LTBP1: variants seen among roughly 807,000 people sequenced by gnomAD.
LTBP1 encodes the protein latent transforming growth factor beta binding protein 1.
A neutral mutation model predicts 207.6 loss-of-function variants in LTBP1; 129 were observed. The observed-to-expected ratio is 0.62, with a 90% CI of 0.54 to 0.72. LTBP1 has a LOEUF of 0.72. LTBP1 is among the 30% of genes least tolerant of loss of function. The pLI, the probability that LTBP1 is intolerant of heterozygous loss-of-function variation, is 0.00. For synonymous variants in LTBP1, 963 were observed against 833.7 expected, an observed-to-expected ratio of 1.16 and a Z score of -2.67; for missense variants, 2,281 against 2,217.2, an observed-to-expected ratio of 1.03 and a Z score of -0.58.
At chr2:33,345,266 C>T (rs182861727) in intron 25 of LTBP1, among the ~76,000 whole-genome samples, 75 of 152,326 alleles carry the variant, frequency 4.9e-4, no homozygotes, top group Admixed American at 1.2e-3. Flanking sequence ...TCACTCCTCA[C>T]ACTCACTGAA....
At chr2:33,186,743 A>T in intron 5 of LTBP1, 113 bp from the exon 6 acceptor site, 1 of 750,406 alleles carries the variant, frequency 1.3e-6, no homozygotes, top group Non-Finnish European at 2.2e-6. Flanking sequence ...TCTAAAGGTC[A>T]TGGGACTCTG....
intron 11 of LTBP1, among the ~76,000 whole-genome samples, chr2:33,256,364 G>A (rs976547935): frequency 3.3e-5 from 5 of 151,710 alleles, no homozygotes; most frequent in African/African-American, 9.7e-5. Flanking sequence ...TCCGTCCTCC[G>A]TAATCTACAT....
At chr2:32,959,757 A>C (rs1425651892) in intron 2 of LTBP1, among the ~76,000 whole-genome samples, 1 of 150,340 alleles carries the variant, frequency 6.7e-6, no homozygotes, top group Non-Finnish European at 1.5e-5. Context: ...AGTAGCTGGG[A>C]TTACAGGCAT....
At chr2:32,968,640 GATTA>G (rs1365395504) in intron 2 of LTBP1, among the ~76,000 whole-genome samples, 1 of 151,800 alleles carries the variant, frequency 6.6e-6, no homozygotes, top group Non-Finnish European at 1.5e-5. Context: ...GATACAGTTG[GATTA>G]ATAGCTACTG....
At chr2:33,122,945 T>G (rs1243384417) in intron 4 of LTBP1, among the ~76,000 whole-genome samples, 1 of 152,170 alleles carries the variant, frequency 6.6e-6, no homozygotes, top group African/African-American at 2.4e-5. Context: ...CTAATACAAG[T>G]TCTATTTCTA....
At chr2:33,191,821 A>C (rs2087922283) in intron 7 of LTBP1, among the ~76,000 whole-genome samples, 1 of 152,246 alleles carries the variant, frequency 6.6e-6, no homozygotes. Context: ...TCAATGCAAT[A>C]GTTACCAATA....
At chr2:33,097,584 A>G (rs1347107572) in intron 3 of LTBP1, among the ~76,000 whole-genome samples, 1 of 152,180 alleles carries the variant, frequency 6.6e-6, no homozygotes, top group East Asian at 1.9e-4. Flanking sequence ...TTTGTTTTTT[A>G]GCTTTTCCCA....
In LTBP1 at chr2:32,960,903, G is replaced by T. The variant is rs78659438; in HGVS notation, c.565+11958G>T. On this transcript the variant is annotated intron_variant, in intron 2 of 33. Transcript: ENST00000404816. ...GCTGTAATAGGTGATATAAGATAGG[G>T]TTGGATCCCAAGTCAAGTCTTCTAG... 2.9e-3 allele frequency among the ~76,000 whole-genome samples: 440 copies of T among 152,254 alleles called. 4 individuals are homozygous for T. The highest frequency in any genetic ancestry group is 0.01 in the African/African-American group (431 of 41,536).
intron 24 of LTBP1, among the ~76,000 whole-genome samples, chr2:33,339,016 A>G (rs148435777): frequency 8.5e-5 from 13 of 152,078 alleles, no homozygotes; most frequent in Non-Finnish European, 1.8e-4. Flanking sequence ...CAGAGAGCAC[A>G]TTGGCAGTTT....
chr2:33,306,576 A>C (rs754690900), intron 22 of LTBP1, among the ~76,000 whole-genome samples: 37 of 152,156 alleles, frequency 2.4e-4, no homozygotes, highest in Non-Finnish European at 4.0e-4. Context: ...TCTCAAAAAA[A>C]AAAACCAAAA....
chr2:33,189,061 T>C (rs2087537844), intron 7 of LTBP1, among the ~76,000 whole-genome samples: 1 of 152,266 alleles, frequency 6.6e-6, no homozygotes, highest in Admixed American at 6.5e-5. Context: ...TTTCATGCGA[T>C]GACTGCAGAA....
At chr2:33,378,370 C>G (rs1223854398) in intron 31 of LTBP1, among the ~76,000 whole-genome samples, 2 of 151,860 alleles carry the variant, frequency 1.3e-5, no homozygotes, top group African/African-American at 4.8e-5. Flanking sequence ...GGACTACAGG[C>G]TCACACCACC....
chr2:33,078,597 T>A (rs1227029147), intron 3 of LTBP1, among the ~76,000 whole-genome samples: 2 of 152,198 alleles, frequency 1.3e-5, no homozygotes, highest in African/African-American at 4.8e-5. Context: ...TTAATTCAAA[T>A]AAGAAGCATA....
chr2:33,149,928 G>T (rs1325664586), intron 5 of LTBP1, among the ~76,000 whole-genome samples: 1 of 152,126 alleles, frequency 6.6e-6, no homozygotes, highest in African/African-American at 2.4e-5. Context: ...GAGGGTATGG[G>T]TTTGTTATTT....
chr2:33,029,791 A>C (rs2075607058), intron 3 of LTBP1, among the ~76,000 whole-genome samples: 3 of 152,222 alleles, frequency 2.0e-5, no homozygotes, highest in African/African-American at 4.8e-5. Flanking sequence ...AATTCAAATA[A>C]AAGGCATAAA....
At chr2:33,006,001 T>C (rs1686808568) in intron 2 of LTBP1, among the ~76,000 whole-genome samples, 2 of 152,172 alleles carry the variant, frequency 1.3e-5, no homozygotes, top group South Asian at 4.1e-4. Context: ...TTTTTCTCTT[T>C]CTTCCTCATT....
chr2:33,271,226 C>A (rs1046315864), intron 15 of LTBP1, among the ~76,000 whole-genome samples: 1 of 152,108 alleles, frequency 6.6e-6, no homozygotes, highest in Middle Eastern at 3.2e-3. Flanking sequence ...TCAAGCTTTT[C>A]ATGAAAACCC....
At chr2:33,215,140 TATAATA>T (rs200898473) in intron 7 of LTBP1, among the ~76,000 whole-genome samples, 3 of 152,010 alleles carry the variant, frequency 2.0e-5, no homozygotes, top group African/African-American at 7.3e-5. Context: ...AGCTTTTATC[TATAATA>T]ATAATAATAA....
chr2:32,999,677 G>A (rs1250462716), intron 2 of LTBP1, among the ~76,000 whole-genome samples: 1 of 133,678 alleles, frequency 7.5e-6, no homozygotes, highest in Non-Finnish European at 1.6e-5. Context: ...GGATCATGAG[G>A]TCAGGAGTTC....
Sources: allele counts gnomAD v4.1 joint callset (sites outside exome capture counted in the v4.1 genomes callset), GRCh38; gene constraint gnomAD v4.1.1; transcripts MANE v1.5; gene names NCBI Gene and HGNC (gene_info 2026-07-23, HGNC 2026-07-21).